The following CTNNA1 variants were observed in gnomAD, a reference collection of about 807,000 sequenced individuals.
CTNNA1 encodes catenin alpha 1.
In CTNNA1, 37 loss-of-function variants were observed where a neutral mutation model predicts 98.4. That is an observed-to-expected ratio of 0.38 (90% CI 0.29 to 0.49). The LOEUF (loss-of-function observed/expected upper bound fraction) is 0.49, where lower values mean the gene tolerates loss of function less well. Among genes scored for constraint, CTNNA1 ranks in the 20% least tolerant of loss-of-function variants. CTNNA1 has a pLI of 0.95. For synonymous variants in CTNNA1, 404 were observed against 413.2 expected (o/e 0.98, Z 0.27); for missense variants, 761 against 1,147.2 (o/e 0.66, Z 4.86).
At chr5:138,932,262 G>A (rs1580925660) in intron 16 of CTNNA1, 1 of 1,142,114 alleles carries the variant, frequency 8.8e-7, no homozygotes, top group African/African-American at 1.6e-5. Flanking sequence ...TTGGGGTGAG[G>A]GGATCCTTGG....
chr5:138,819,149 A>C (rs919545301), intron 5 of CTNNA1, among the ~76,000 whole-genome samples: 2 of 152,086 alleles, frequency 1.3e-5, no homozygotes, highest in African/African-American at 4.8e-5. Context: ...CTGAGCCAAT[A>C]GGGCTCAGTG....
intron 3 of CTNNA1, among the ~76,000 whole-genome samples, chr5:138,800,896 G>A (rs825747): frequency 0.74 from 113,115 of 152,166 alleles, 42,314 homozygotes; most frequent in East Asian, 0.99. Flanking sequence ...CAGGCAGTTC[G>A]GCTTTTTCTT....
At chr5:138,803,159 T>A (rs537495363) in intron 3 of CTNNA1, among the ~76,000 whole-genome samples, 260 of 136,776 alleles carry the variant, frequency 1.9e-3, no homozygotes, top group African/African-American at 6.7e-3. Context: ...ATGGGCCAAA[T>A]TTTTTTTTTT....
chr5:138,760,462 CA>C (rs11317287), intron 1 of CTNNA1, among the ~76,000 whole-genome samples: 112,115 of 151,108 alleles, frequency 0.74, 41,810 homozygotes, highest in East Asian at 0.99. Context: ...CTCCCAAGCT[CA>C]AAACGATTCT....
At chr5:138,875,027 C>T in intron 7 of CTNNA1, 1 of 1,019,442 alleles carries the variant, frequency 9.8e-7, no homozygotes, top group Non-Finnish European at 1.5e-6. Context: ...TTCTGTGTCC[C>T]AGGCTTTCCA....
intron 9 of CTNNA1, among the ~76,000 whole-genome samples, chr5:138,890,552 G>A (rs978609090): frequency 1.3e-5 from 2 of 152,140 alleles, no homozygotes; most frequent in African/African-American, 4.8e-5. Flanking sequence ...TGGAGTCTGG[G>A]AAGGTCTCAA....
intron 3 of CTNNA1, among the ~76,000 whole-genome samples, chr5:138,784,675 T>C (rs187959771): frequency 7.4e-4 from 112 of 152,340 alleles, no homozygotes; most frequent in African/African-American, 2.6e-3. Context: ...CTCATCATTC[T>C]GAAGGCCAGA....
chr5:138,860,496 GTTTGT>G (rs59940464), intron 7 of CTNNA1, among the ~76,000 whole-genome samples: 42 of 150,232 alleles, frequency 2.8e-4, no homozygotes, highest in Admixed American at 5.3e-4. Context: ...GGTTTTTTTT[GTTTGT>G]TTTGTTTTGT....
At chr5:138,757,854 A>G (rs532566944) in intron 1 of CTNNA1, among the ~76,000 whole-genome samples, 37 of 152,322 alleles carry the variant, frequency 2.4e-4, no homozygotes, top group Non-Finnish European at 4.1e-4. Flanking sequence ...CAGATGAGGC[A>G]ACAGTCAGAT....
Position 138,933,795 on chromosome 5 carries a change from C to T in CTNNA1, c.2434-7C>T, listed in dbSNP as rs2150358172. ...GGTGCTTCTTACCACCCCTGTCTGCCTCGTAGGTGGACAGCGCCATGTCCC... is the reference window on the plus strand; with the variant it reads ...GGTGCTTCTTACCACCCCTGTCTGCTTCGTAGGTGGACAGCGCCATGTCCC... On this transcript the variant is annotated splice_polypyrimidine_tract_variant and splice_region_variant and intron_variant, in intron 17 of 17. Coordinates refer to ENST00000302763, the MANE Select transcript of CTNNA1 (RefSeq NM_001903.5). 4 of 1,611,572 alleles carry T rather than the reference C, an allele frequency of 2.5e-6. No individual in the cohort carries two copies. Among genetic ancestry groups the T allele is most frequent in the African/African-American group, 1.3e-5 (1 of 74,986 alleles).
intron 11 of CTNNA1, among the ~76,000 whole-genome samples, chr5:138,924,196 T>C (rs1763486174): frequency 6.6e-6 from 1 of 152,172 alleles, no homozygotes; most frequent in African/African-American, 2.4e-5. Flanking sequence ...GCTTCTATGA[T>C]AATTTTCTGC....
chr5:138,762,639 TG>T (rs1752491208), intron 1 of CTNNA1, among the ~76,000 whole-genome samples: 1 of 151,836 alleles, frequency 6.6e-6, no homozygotes, highest in East Asian at 1.9e-4. Context: ...ATTTAATTTG[TG>T]GTTTTTTTTT....
intron 1 of CTNNA1, among the ~76,000 whole-genome samples, chr5:138,776,334 A>G (rs1307512394): frequency 6.6e-6 from 1 of 152,106 alleles, no homozygotes; most frequent in East Asian, 1.9e-4. Flanking sequence ...GACACACCAC[A>G]TGTTTCAGAG....
intron 9 of CTNNA1, among the ~76,000 whole-genome samples, chr5:138,901,948 G>T (rs1758133702): frequency 1.3e-5 from 2 of 152,196 alleles, no homozygotes; most frequent in Non-Finnish European, 1.5e-5. Context: ...TCCCTGGGGG[G>T]TGAATTGAAG....
intron 7 of CTNNA1, among the ~76,000 whole-genome samples, chr5:138,859,428 G>A (rs956962175): frequency 1.3e-5 from 2 of 152,138 alleles, no homozygotes; most frequent in Admixed American, 6.5e-5. Flanking sequence ...CTGTATTCAC[G>A]GATGATGACT....
chr5:138,780,336 C>T (rs1240944408), intron 1 of CTNNA1, among the ~76,000 whole-genome samples: 3 of 145,532 alleles, frequency 2.1e-5, no homozygotes, highest in South Asian at 2.2e-4. Context: ...ACTACAGGTG[C>T]CCGCCACTGC....
chr5:138,917,531 TTTTA>T lies in CTNNA1; in HGVS notation c.1390-207_1390-204del, dbSNP rs28363460. ...CCACCATGAATGAAGCTAGTACAGTTTTTATTTGTTTTATCATTGTCTATAGTTT... is the reference window on the plus strand; with the variant it reads ...CCACCATGAATGAAGCTAGTACAGTTTTTGTTTTATCATTGTCTATAGTTT... On this transcript the variant is annotated intron_variant, in intron 10 of 17. Transcript: ENST00000302763. 0.21 allele frequency among the ~76,000 whole-genome samples: 32,450 copies of T among 152,084 alleles called. 3,998 individuals carry two copies. The highest frequency in any genetic ancestry group is 0.28 in the Non-Finnish European group (19,257 of 67,912).
At chr5:138,818,009 C>A (rs1025351928) in intron 5 of CTNNA1, among the ~76,000 whole-genome samples, 1 of 152,012 alleles carries the variant, frequency 6.6e-6, no homozygotes, top group Non-Finnish European at 1.5e-5. Context: ...GCCTTAGCCC[C>A]GTCCCTGCGC....
At chr5:138,882,129 A>G (rs1382767280) in intron 7 of CTNNA1, among the ~76,000 whole-genome samples, 6 of 152,194 alleles carry the variant, frequency 3.9e-5, no homozygotes, top group Admixed American at 3.9e-4. Flanking sequence ...AGTTATCCTA[A>G]GGTATGATTT....
Sources: allele counts gnomAD v4.1 joint callset (sites outside exome capture counted in the v4.1 genomes callset), GRCh38; gene constraint gnomAD v4.1.1; transcripts MANE v1.5; gene names NCBI Gene and HGNC (gene_info 2026-07-23, HGNC 2026-07-21).